Variants in CPEB4 observed in about 807,000 individuals in gnomAD.
CPEB4 encodes the protein cytoplasmic polyadenylation element-binding protein 4.
A neutral mutation model predicts 72.5 loss-of-function variants in CPEB4; 12 were observed. The observed-to-expected ratio is 0.17, with a 90% CI of 0.11 to 0.27. The LOEUF is 0.27. Among genes scored for constraint, CPEB4 ranks in the 10% least tolerant of loss-of-function variants. CPEB4 has a pLI of 1.00. For synonymous variants in CPEB4, 302 were observed against 326.3 expected, an observed-to-expected ratio of 0.93 and a Z score of 0.80; for missense variants, 614 against 908.5, an observed-to-expected ratio of 0.68 and a Z score of 4.17.
At chr5:173,917,543 A>G (rs188327505) in intron 2 of CPEB4, among the ~76,000 whole-genome samples, 1 of 152,318 alleles carries the variant, frequency 6.6e-6, no homozygotes, top group African/African-American at 2.4e-5. Context: ...CCTGGCCAAC[A>G]TGGTGAAACC....
At chr5:173,908,354 A>G (rs1756519924) in intron 1 of CPEB4, among the ~76,000 whole-genome samples, 1 of 152,146 alleles carries the variant, frequency 6.6e-6, no homozygotes, top group South Asian at 2.1e-4. Flanking sequence ...TTCTGGAGGG[A>G]GTCATACCAG....
intron 1 of CPEB4, among the ~76,000 whole-genome samples, chr5:173,905,998 A>G (rs781154792): frequency 7.9e-5 from 12 of 152,186 alleles, no homozygotes; most frequent in Non-Finnish European, 1.8e-4. Flanking sequence ...CATTCCACTC[A>G]TTTATGCTAA....
At chr5:173,904,700 TG>T (rs1756362210) in intron 1 of CPEB4, among the ~76,000 whole-genome samples, 1 of 109,400 alleles carries the variant, frequency 9.1e-6, no homozygotes, top group Non-Finnish European at 1.9e-5. Flanking sequence ...ATCACTTACT[TG>T]GTTTATAGTA....
At chr5:173,954,661 C>G (rs578136276) in intron 9 of CPEB4, among the ~76,000 whole-genome samples, 6 of 152,130 alleles carry the variant, frequency 3.9e-5, no homozygotes, top group African/African-American at 1.4e-4. Context: ...GCATGAGCCA[C>G]CCACCATGCC....
chr5:173,888,507 G>T lies in CPEB4; in HGVS notation c.-1227G>T. 2.4e-6 allele frequency: 1 copy of T among 408,734 alleles called. No homozygotes were observed. Among genetic ancestry groups the T allele is most frequent in the Non-Finnish European group, 4.3e-6 (1 of 232,906 alleles). The allele number at this position is 408,734 out of a possible 1,614,324, so 25.3% of individuals were successfully genotyped here. A position where few individuals can be genotyped will look rare whatever the true frequency, so the allele number is the denominator to read the frequency against. On this transcript the variant is annotated 5_prime_UTR_variant, in exon 1 of 10. Coordinates refer to ENST00000265085, the MANE Select transcript of CPEB4 (RefSeq NM_030627.4). The surrounding 1 kb of genome is among the most constrained non-coding windows in gnomAD (Gnocchi z 4.3). Reference sequence around the variant, plus strand: ...AGAACCAGGAGGAGTCCTCAACAACGACAGCGGGGACTGCGGGACCAGGGT... The same window carrying T: ...AGAACCAGGAGGAGTCCTCAACAACTACAGCGGGGACTGCGGGACCAGGGT...
At chr5:173,942,957 A>G (rs958920580) in intron 3 of CPEB4, 69 bp from the exon 4 acceptor site, 1 of 1,486,948 alleles carries the variant, frequency 6.7e-7, no homozygotes, top group African/African-American at 1.4e-5. Context: ...ATCACAGTTG[A>G]TTCTTTTGAC....
intron 3 of CPEB4, among the ~76,000 whole-genome samples, chr5:173,939,578 C>G (rs962674098): frequency 2.0e-5 from 3 of 152,104 alleles, no homozygotes; most frequent in Non-Finnish European, 4.4e-5. Context: ...TCTGGCATTA[C>G]AGATTAATGG....
At chr5:173,951,763 CT>C (rs1758223392) in intron 7 of CPEB4, 60 bp from the exon 8 acceptor site, 4 of 925,340 alleles carry the variant, frequency 4.3e-6, no homozygotes, top group Admixed American at 1.7e-5. Flanking sequence ...TAATTGTTAA[CT>C]TTTTTGCCCA....
At chr5:173,948,713 G>A (rs549754552) in intron 5 of CPEB4, among the ~76,000 whole-genome samples, 5 of 152,236 alleles carry the variant, frequency 3.3e-5, no homozygotes, top group Non-Finnish European at 7.4e-5. Context: ...CCATTCTGGA[G>A]GCTGGGAATT....
At position 173,910,674 on chromosome 5, in the gene CPEB4, T is replaced by C. The variant is rs1352112350; in HGVS notation, c.1207+70T>C. The C allele has an allele frequency of 3.5e-5, 35 of 990,858 alleles. No homozygotes were observed. In the East Asian group the frequency reaches 7.7e-4, roughly 22 times the overall value. The allele number at this position is 990,858 out of a possible 1,614,324, so 61.4% of individuals were successfully genotyped here. On this transcript the variant is annotated intron_variant, in intron 2 of 9. Transcript: ENST00000265085. ...AATGTGTATTAACTATTTAATCTGA[T>C]ACACAGTATGGCAAATATTATGGAG...
At chr5:173,931,335 G>A (rs531518048) in intron 2 of CPEB4, among the ~76,000 whole-genome samples, 203 of 152,278 alleles carry the variant, frequency 1.3e-3, no homozygotes, top group African/African-American at 4.5e-3. Context: ...CTGTTTATCC[G>A]TTATTCCTTA....
intron 3 of CPEB4, among the ~76,000 whole-genome samples, chr5:173,941,953 C>T (rs563890281): frequency 2.0e-5 from 3 of 152,324 alleles, no homozygotes; most frequent in East Asian, 3.9e-4. Flanking sequence ...TGCTTCTGTT[C>T]GGCCACCTTT....
intron 7 of CPEB4, among the ~76,000 whole-genome samples, chr5:173,951,312 A>AG (rs1758208625): frequency 7.1e-6 from 1 of 140,762 alleles, no homozygotes; most frequent in Non-Finnish European, 1.6e-5. Flanking sequence ...AGTATTTGTC[A>AG]TAAAAAAAAA....
Position 173,889,487 on chromosome 5 carries a change from A to G in CPEB4, c.-247A>G. The G allele has an allele frequency of 2.7e-6, 1 of 374,274 alleles. No individual in the cohort carries two copies. Among genetic ancestry groups the G allele is most frequent in the Admixed American group, 4.1e-5 (1 of 24,114 alleles). 23.2% of individuals were successfully genotyped at this position (374,274 alleles called of 1,614,324 possible). Reference sequence around the variant, plus strand: ...ACCCTCTTCATTTTTATTCCCTCCTAAAAATAAGCCCAATTGGATCCAAGT... The same window carrying G: ...ACCCTCTTCATTTTTATTCCCTCCTGAAAATAAGCCCAATTGGATCCAAGT... On this transcript the variant is annotated 5_prime_UTR_variant, in exon 1 of 10. The change abolishes the stop of an existing upstream ORF in the 5' untranslated region. Coordinates refer to ENST00000265085, the MANE Select transcript of CPEB4 (RefSeq NM_030627.4).
At chr5:173,941,176 C>T (rs1425819531) in intron 3 of CPEB4, among the ~76,000 whole-genome samples, 3 of 152,274 alleles carry the variant, frequency 2.0e-5, no homozygotes, top group East Asian at 1.9e-4. Context: ...ATTTTCAAAT[C>T]GTTACTTTGT....
rs1024602640 is a variant in CPEB4 at position 173,904,962 on chromosome 5, C to A, written c.1126-5561C>A. ...CTCCAACTTGGGCAACAGAGTGAGACCCTGTCTCAGATAATAATAATAATA... is the reference window on the plus strand; with the variant it reads ...CTCCAACTTGGGCAACAGAGTGAGAACCTGTCTCAGATAATAATAATAATA... On this transcript the variant is annotated intron_variant, in intron 1 of 9. Transcript: ENST00000265085. Among the ~76,000 whole-genome samples, 5 of 137,574 alleles carry A rather than the reference C, an allele frequency of 3.6e-5. No individual in the cohort carries two copies. In the East Asian group the frequency reaches 6.2e-4, roughly 17 times the overall value. 90.3% of individuals were successfully genotyped at this position (137,574 alleles called of 152,430 possible).
At chr5:173,918,460 T>C (rs1756957534) in intron 2 of CPEB4, among the ~76,000 whole-genome samples, 1 of 152,154 alleles carries the variant, frequency 6.6e-6, no homozygotes, top group South Asian at 2.1e-4. Flanking sequence ...CCTTTCAGAT[T>C]TGGGGTTGCT....
At chr5:173,915,507 A>G (rs978818112) in intron 2 of CPEB4, among the ~76,000 whole-genome samples, 2 of 152,144 alleles carry the variant, frequency 1.3e-5, no homozygotes, top group African/African-American at 4.8e-5. Context: ...AACACCAGTG[A>G]CAATCCTCAG....
intron 2 of CPEB4, among the ~76,000 whole-genome samples, chr5:173,923,129 AGTT>A (rs1334837373): frequency 2.0e-5 from 3 of 152,196 alleles, no homozygotes; most frequent in East Asian, 3.8e-4. Context: ...GGTTCAGAAA[AGTT>A]GTCAGAATTC....
Sources: gnomAD v4.1 joint callset for allele counts (sites outside exome capture counted in the v4.1 genomes callset) on GRCh38, gnomAD v4.1.1 for gene constraint, Gnocchi (gnomAD v3.1) non-coding constraint, MANE v1.5 for transcripts, NCBI Gene and HGNC (gene_info 2026-07-23, HGNC 2026-07-21) for gene names.